The following APOBEC3D variants were observed in gnomAD, a reference collection of about 807,000 sequenced individuals.
APOBEC3D encodes DNA dC->dU-editing enzyme APOBEC-3D.
In APOBEC3D, 37 loss-of-function variants were observed where a neutral mutation model predicts 45.6. That is an observed-to-expected ratio of 0.81 (90% CI 0.62 to 1.07). The LOEUF is 1.07. APOBEC3D is among the 50% of genes least tolerant of loss of function. APOBEC3D has a pLI of 0.00. For missense variants in APOBEC3D, 496 were observed against 495.3 expected (o/e 1.00, Z -0.01); for synonymous variants, 175 against 180.7 (o/e 0.97, Z 0.25).
intron 1 of APOBEC3D, 53 bp from the exon 2 acceptor site, chr22:39,022,769 G>A (rs1925246642): frequency 4.4e-6 from 7 of 1,577,354 alleles, no homozygotes; most frequent in African/African-American, 4.1e-5. Context: ...CATGAGCCCC[G>A]AGGACTCCAG....
chr22:39,025,217 T>G lies in APOBEC3D; in HGVS notation c.358T>G (p.Leu120Val), dbSNP rs750520762. 3 of 1,613,968 alleles carry G rather than the reference T, an allele frequency of 1.9e-6. No individual in the cohort carries two copies. In the Admixed American group the frequency reaches 5.0e-5, roughly 27 times the overall value. Residue 120 changes from leucine (L) to valine (V), a missense_variant, in exon 3 of 7, where the codon TTG becomes GTG. Physicochemically the swap from Leu to Val is conservative, Grantham distance 32. Coordinates refer to ENST00000216099, the MANE Select transcript of APOBEC3D (RefSeq NM_152426.4). ...LPCVVKVTKF[L>V]AEHPNVTLTI... ...CTGTGTGGTGAAGGTGACCAAATTC[T>G]TGGCTGAGCACCCCAATGTCACCCT...
At chr22:39,027,562 C>T (rs760559431) in intron 4 of APOBEC3D, among the ~76,000 whole-genome samples, 10 of 152,116 alleles carry the variant, frequency 6.6e-5, no homozygotes, top group African/African-American at 1.2e-4. Flanking sequence ...GGGCCCTGGA[C>T]GATAGAAATA....
rs1431721913 is a variant in APOBEC3D at position 39,021,293 on chromosome 22, A to G, written c.-227A>G. On this transcript the variant is annotated 5_prime_UTR_variant, in exon 1 of 7. Transcript: ENST00000216099. The stretch of plus-strand genomic sequence containing the variant: ...TGGCTAATTTTTGTATTTTTAGTAG[A>G]GACGGGGTTTCTCCATGTTGGTCAG... 2 of 504,670 alleles carry G rather than the reference A, an allele frequency of 4.0e-6. No homozygotes were observed. Among genetic ancestry groups the G allele is most frequent in the Admixed American group, 6.3e-5 (2 of 31,514 alleles). 31.3% of individuals were successfully genotyped at this position (504,670 alleles called of 1,614,324 possible).
chr22:39,033,186 C>G lies in APOBEC3D; in HGVS notation c.*870C>G, dbSNP rs1301704286. The stretch of plus-strand genomic sequence containing the variant: ...AAACTGAGATCGCGCCACAGAACTC[C>G]AGTTTGAGCAACAGATCAAGACCCT... On this transcript the variant is annotated 3_prime_UTR_variant, in exon 7 of 7. Coordinates refer to ENST00000216099, the MANE Select transcript of APOBEC3D (RefSeq NM_152426.4). 1 of 865,662 alleles carries G rather than the reference C, an allele frequency of 1.2e-6. No homozygotes were observed. Among genetic ancestry groups the G allele is most frequent in the Non-Finnish European group, 1.4e-6 (1 of 720,962 alleles). 53.6% of individuals were successfully genotyped at this position (865,662 alleles called of 1,614,324 possible).
intron 4 of APOBEC3D, 139 bp downstream of exon 4, chr22:39,025,810 T>G: frequency 6.7e-7 from 1 of 1,501,156 alleles, no homozygotes; most frequent in Non-Finnish European, 9.0e-7. Flanking sequence ...TCACCCACAC[T>G]CCTCATGCTC....
At chr22:39,027,308 C>G (rs1925771268) in intron 4 of APOBEC3D, among the ~76,000 whole-genome samples, 1 of 152,174 alleles carries the variant, frequency 6.6e-6, no homozygotes, top group Admixed American at 6.5e-5. Flanking sequence ...CCCCCACCCA[C>G]TATTCCTCCC....
At chr22:39,024,489 T>C (rs1256401154) in intron 2 of APOBEC3D, among the ~76,000 whole-genome samples, 1 of 152,172 alleles carries the variant, frequency 6.6e-6, no homozygotes. Context: ...TTGGTGCACC[T>C]TGTGATGCTT....
In APOBEC3D at chr22:39,021,420, A is replaced by C; in HGVS notation, c.-100A>C. On this transcript the variant is annotated 5_prime_UTR_variant, in exon 1 of 7. Coordinates refer to ENST00000216099, the MANE Select transcript of APOBEC3D (RefSeq NM_152426.4). The stretch of plus-strand genomic sequence containing the variant: ...CGTGCCCGGCCGGGAGGTCACTTTA[A>C]GGAGGGCTGTCCAACTGCAAGGAGC... The C allele has an allele frequency of 6.3e-7, 1 of 1,579,392 alleles. No individual in the cohort carries two copies. Among genetic ancestry groups the C allele is most frequent in the Admixed American group, 1.7e-5 (1 of 58,674 alleles).
intron 4 of APOBEC3D, among the ~76,000 whole-genome samples, chr22:39,025,938 G>T (rs530062851): frequency 6.8e-4 from 104 of 152,306 alleles, no homozygotes; most frequent in Non-Finnish European, 1.1e-3. Context: ...CAGCCTGGGA[G>T]CCCCAACCTG....
In APOBEC3D at chr22:39,021,371, G is replaced by T. The variant is rs970463538; in HGVS notation, c.-149G>T. The T allele has an allele frequency of 3.0e-5, 32 of 1,057,252 alleles. No homozygotes were observed. Among genetic ancestry groups the T allele is most frequent in the African/African-American group, 1.6e-4 (10 of 63,284 alleles). The allele number at this position is 1,057,252 out of a possible 1,614,324, so 65.5% of individuals were successfully genotyped here. ...TCCGCCCGCCTCGGCCTCCCAAAGT[G>T]CTGGGATTACAGGCGTGAGCCACCG... On this transcript the variant is annotated 5_prime_UTR_variant, in exon 1 of 7. Transcript: ENST00000216099.
chr22:39,023,107 C>A (rs1020873970), intron 2 of APOBEC3D, 93 bp downstream of exon 2: 10 of 750,484 alleles, frequency 1.3e-5, no homozygotes, highest in Non-Finnish European at 1.8e-5. Context: ...TTTATTTTTT[C>A]TATTTATTTA....
Position 39,025,198 on chromosome 22 carries a change from G to A in APOBEC3D, c.339G>A (p.Val113=). The A allele has an allele frequency of 1.9e-6, 3 of 1,614,120 alleles. No homozygotes were observed. The highest frequency in any genetic ancestry group is 2.5e-6 in the Non-Finnish European group (3 of 1,180,012). ...CATGGAACCCCTGCCTGCCCTGTGTGGTGAAGGTGACCAAATTCTTGGCTG... is the reference window on the plus strand; with the variant it reads ...CATGGAACCCCTGCCTGCCCTGTGTAGTGAAGGTGACCAAATTCTTGGCTG... ...FVSWNPCLPC[V]VKVTKFLAEH... The change falls in exon 3 of 7, where the codon GTG becomes GTA. Residue 113 remains valine (V), a synonymous_variant. Coordinates refer to ENST00000216099, the MANE Select transcript of APOBEC3D (RefSeq NM_152426.4).
chr22:39,028,421 G>C (rs1440964356), intron 4 of APOBEC3D, among the ~76,000 whole-genome samples: 1 of 152,238 alleles, frequency 6.6e-6, no homozygotes, highest in Non-Finnish European at 1.5e-5. Flanking sequence ...GCCTCCCTAT[G>C]CCTCTGGCAC....
At chr22:39,024,714 G>T (rs934562089) in intron 2 of APOBEC3D, among the ~76,000 whole-genome samples, 1 of 152,104 alleles carries the variant, frequency 6.6e-6, no homozygotes, top group African/African-American at 2.4e-5. Flanking sequence ...GTGACATGGG[G>T]ACAAGAGGAA....
chr22:39,024,770 CAGAA>C (rs948392598), intron 2 of APOBEC3D, among the ~76,000 whole-genome samples: 9 of 152,234 alleles, frequency 5.9e-5, no homozygotes, highest in African/African-American at 1.9e-4. Context: ...GGGCAAGAGA[CAGAA>C]AGAGGGGCTG....
chr22:39,027,645 A>G (rs1212276148), intron 4 of APOBEC3D, among the ~76,000 whole-genome samples: 1 of 152,228 alleles, frequency 6.6e-6, no homozygotes, highest in Non-Finnish European at 1.5e-5. Context: ...GCCTCAGATC[A>G]GGGACCACTG....
chr22:39,030,017 C>T (rs1926054165), intron 5 of APOBEC3D, among the ~76,000 whole-genome samples: 1 of 151,110 alleles, frequency 6.6e-6, no homozygotes, highest in Non-Finnish European at 1.5e-5. Flanking sequence ...GTTTAGCGCC[C>T]AGCGCCCTCA....
chr22:39,026,145 G>T (rs1235029395), intron 4 of APOBEC3D, among the ~76,000 whole-genome samples: 2 of 152,200 alleles, frequency 1.3e-5, no homozygotes, highest in Non-Finnish European at 2.9e-5. Flanking sequence ...CCCGGGCCGG[G>T]TGCCCACAGG....
chr22:39,024,414 C>T (rs1317433393), intron 2 of APOBEC3D, among the ~76,000 whole-genome samples: 1 of 152,156 alleles, frequency 6.6e-6, no homozygotes, highest in African/African-American at 2.4e-5. Flanking sequence ...GAATGGATGC[C>T]AGAATTCACA....
Sources: gnomAD v4.1 joint callset for allele counts (sites outside exome capture counted in the v4.1 genomes callset) on GRCh38, gnomAD v4.1.1 for gene constraint, MANE v1.5 for transcripts, NCBI Gene and HGNC (gene_info 2026-07-23, HGNC 2026-07-21) for gene names.